The following KHDRBS3 variants were observed in gnomAD, a reference collection of about 807,000 sequenced individuals.
KHDRBS3 encodes the protein KH RNA binding domain containing, signal transduction associated 3.
In KHDRBS3, 23 loss-of-function variants were observed where a neutral mutation model predicts 45.6. The ratio of observed to expected loss-of-function variants is 0.50; its 90% CI spans 0.36 to 0.72. The LOEUF (loss-of-function observed/expected upper bound fraction) is 0.72. KHDRBS3 is among the 30% of genes least tolerant of loss of function. KHDRBS3 has a pLI of 0.00. For synonymous variants in KHDRBS3, 162 were observed against 156.5 expected, an observed-to-expected ratio of 1.04 and a Z score of -0.26; for missense variants, 352 against 424.8, an observed-to-expected ratio of 0.83 and a Z score of 1.51.
chr8:135,578,480 A>G (rs1021850687), intron 5 of KHDRBS3, among the ~76,000 whole-genome samples: 14 of 151,798 alleles, frequency 9.2e-5, no homozygotes, highest in African/African-American at 3.4e-4. Flanking sequence ...TTGAAAAAAA[A>G]CATTATTTTC....
At chr8:135,638,049 C>A (rs1429956332) in intron 7 of KHDRBS3, among the ~76,000 whole-genome samples, 1 of 151,758 alleles carries the variant, frequency 6.6e-6, no homozygotes, top group Non-Finnish European at 1.5e-5. Flanking sequence ...CTGAAAAAAA[C>A]AAAACCACAC....
At position 135,492,345 on chromosome 8, in the gene KHDRBS3, T is replaced by C. The variant is rs371719887; in HGVS notation, c.89-28892T>C. Reference sequence around the variant, plus strand: ...TACTTGATGACAGTAATTCAAATACTTGTATATCTGTGGAACTAATCAAGA... The same window carrying C: ...TACTTGATGACAGTAATTCAAATACCTGTATATCTGTGGAACTAATCAAGA... On this transcript the variant is annotated intron_variant, in intron 1 of 8. Coordinates refer to ENST00000355849, the MANE Select transcript of KHDRBS3 (RefSeq NM_006558.3). Among the ~76,000 whole-genome samples, 18 of 152,116 alleles carry C rather than the reference T, an allele frequency of 1.2e-4. No homozygotes were observed. The East Asian group carries it at 2.3e-3, about 20-fold the overall frequency.
At chr8:135,586,746 A>G (rs1314706938) in intron 6 of KHDRBS3, among the ~76,000 whole-genome samples, 7 of 152,156 alleles carry the variant, frequency 4.6e-5, no homozygotes, top group Non-Finnish European at 7.4e-5. Flanking sequence ...TTTCTATACA[A>G]TGTGTTTGGC....
chr8:135,630,365 G>C (rs1323178049), intron 7 of KHDRBS3, among the ~76,000 whole-genome samples: 1 of 152,084 alleles, frequency 6.6e-6, no homozygotes, highest in Non-Finnish European at 1.5e-5. Flanking sequence ...TCTAATCCTG[G>C]CTTCACCACT....
At chr8:135,626,481 G>A (rs997050281) in intron 7 of KHDRBS3, among the ~76,000 whole-genome samples, 4 of 152,302 alleles carry the variant, frequency 2.6e-5, no homozygotes, top group Admixed American at 2.6e-4. Flanking sequence ...TCCTGGCATG[G>A]TGGACTTGGG....
At chr8:135,521,210 T>C (rs200478202) in intron 1 of KHDRBS3, 27 bp from the exon 2 acceptor site, 1 of 1,426,292 alleles carries the variant, frequency 7.0e-7, no homozygotes, top group African/African-American at 1.4e-5. Context: ...AGTCATACAC[T>C]TCATGGTTAT....
chr8:135,633,424 A>G (rs1359216386), intron 7 of KHDRBS3, among the ~76,000 whole-genome samples: 2 of 152,242 alleles, frequency 1.3e-5, no homozygotes, highest in Non-Finnish European at 2.9e-5. Flanking sequence ...ATATAAATGC[A>G]AGGGTAAAAT....
At chr8:135,629,070 T>C (rs1432881142) in intron 7 of KHDRBS3, among the ~76,000 whole-genome samples, 1 of 152,228 alleles carries the variant, frequency 6.6e-6, no homozygotes, top group East Asian at 1.9e-4. Flanking sequence ...ACCAGTAAGT[T>C]CCTGCACTTT....
At chr8:135,601,063 C>T (rs908230473) in intron 6 of KHDRBS3, among the ~76,000 whole-genome samples, 1 of 152,166 alleles carries the variant, frequency 6.6e-6, no homozygotes, top group African/African-American at 2.4e-5. Context: ...CACTTTTGAT[C>T]ATCTGATGAA....
intron 6 of KHDRBS3, among the ~76,000 whole-genome samples, chr8:135,585,754 A>G (rs2130940246): frequency 6.6e-6 from 1 of 152,294 alleles, no homozygotes; most frequent in South Asian, 2.1e-4. Flanking sequence ...ACTTCTAAGG[A>G]AAAATTCTTT....
At chr8:135,645,306 C>G (rs947473217) in intron 8 of KHDRBS3, among the ~76,000 whole-genome samples, 189 bp downstream of exon 8, 1 of 152,192 alleles carries the variant, frequency 6.6e-6, no homozygotes, top group African/African-American at 2.4e-5. Flanking sequence ...GGACTAAAGA[C>G]TTGCTGAAGA....
chr8:135,569,132 T>C (rs1345369092), intron 5 of KHDRBS3, among the ~76,000 whole-genome samples: 1 of 152,308 alleles, frequency 6.6e-6, no homozygotes, highest in East Asian at 1.9e-4. Context: ...TCAACCGTTT[T>C]TATTCATAGT....
intron 2 of KHDRBS3, among the ~76,000 whole-genome samples, chr8:135,521,836 C>T (rs1824925202): frequency 6.6e-6 from 1 of 152,006 alleles, no homozygotes; most frequent in African/African-American, 2.4e-5. Flanking sequence ...TAATCTGTTA[C>T]CTGAATATAT....
At chr8:135,617,481 T>C (rs1177363679) in intron 7 of KHDRBS3, among the ~76,000 whole-genome samples, 1 of 152,074 alleles carries the variant, frequency 6.6e-6, no homozygotes, top group African/African-American at 2.4e-5. Flanking sequence ...TTTTGTCATG[T>C]TGGCCAGGCT....
chr8:135,611,930 G>A (rs1395105546), intron 7 of KHDRBS3, among the ~76,000 whole-genome samples: 3 of 151,784 alleles, frequency 2.0e-5, no homozygotes, highest in African/African-American at 7.3e-5. Flanking sequence ...CCCCAGTATC[G>A]AATAGTAGAC....
At chr8:135,556,906 A>G (rs1019952496) in intron 4 of KHDRBS3, among the ~76,000 whole-genome samples, 18 of 152,224 alleles carry the variant, frequency 1.2e-4, no homozygotes, top group African/African-American at 4.3e-4. Flanking sequence ...AATTCTGAAA[A>G]TGTTGAATTT....
At chr8:135,475,103 C>T (rs1461405507) in intron 1 of KHDRBS3, among the ~76,000 whole-genome samples, 1 of 152,190 alleles carries the variant, frequency 6.6e-6, no homozygotes, top group Non-Finnish European at 1.5e-5. Flanking sequence ...CTGGATAATC[C>T]TGGATAGTCT....
intron 4 of KHDRBS3, among the ~76,000 whole-genome samples, chr8:135,557,138 C>T (rs554430922): frequency 2.6e-5 from 4 of 152,134 alleles, no homozygotes; most frequent in Non-Finnish European, 5.9e-5. Flanking sequence ...TTGTAAATAA[C>T]AACACCCATA....
At chr8:135,548,931 G>T in intron 4 of KHDRBS3, 31 bp downstream of exon 4, 1 of 1,477,100 alleles carries the variant, frequency 6.8e-7, no homozygotes, top group Non-Finnish European at 9.1e-7. Context: ...TAGTTAACTT[G>T]TACTTTAAAG....
Sources: gnomAD v4.1 joint callset for allele counts (sites outside exome capture counted in the v4.1 genomes callset) on GRCh38, gnomAD v4.1.1 for gene constraint, MANE v1.5 for transcripts, NCBI Gene and HGNC (gene_info 2026-07-23, HGNC 2026-07-21) for gene names.